Variants in APCDD1L observed in about 807,000 individuals in gnomAD.
APCDD1L encodes protein APCDD1-like.
In APCDD1L, 21 loss-of-function variants were observed where a neutral mutation model predicts 24.2. The observed-to-expected ratio is 0.87, with a 90% CI of 0.61 to 1.25. The LOEUF (loss-of-function observed/expected upper bound fraction) is 1.25. Ranked by LOEUF, APCDD1L falls within the 50% of genes most tolerant of loss-of-function variation. APCDD1L has a pLI of 0.00. For missense variants in APCDD1L, 704 were observed against 711.7 expected (o/e 0.99, Z 0.12); for synonymous variants, 321 against 323.6 (o/e 0.99, Z 0.09).
chr20:58,514,096 A>G (rs1397935252), intron 1 of APCDD1L: 4 of 524,998 alleles, frequency 7.6e-6, no homozygotes, highest in Non-Finnish European at 1.2e-5. Context: ...GAAGGCATTG[A>G]CTACTCTACC....
intron 1 of APCDD1L, among the ~76,000 whole-genome samples, chr20:58,493,152 G>T (rs1245272691): frequency 6.6e-6 from 1 of 152,168 alleles, no homozygotes; most frequent in Non-Finnish European, 1.5e-5. Context: ...CACAATGCAA[G>T]CATGCACACA....
chr20:58,467,033 G>C lies in APCDD1L; in HGVS notation c.741+73C>G, dbSNP rs757521227. 1 of 1,505,450 alleles carries C rather than the reference G, an allele frequency of 6.6e-7. No individual in the cohort carries two copies. The highest frequency in any genetic ancestry group is 8.8e-7 in the Non-Finnish European group (1 of 1,132,296). The allele number at this position is 1,505,450 out of a possible 1,614,324, so 93.3% of individuals were successfully genotyped here. ...GGGCAGGCCCAGGTCTTGCAAAGCT[G>C]CGGGGCTGGGTTCCGAGCTCGCCTC... On this transcript the variant is annotated intron_variant, in intron 3 of 3. Transcript: ENST00000371149. This position sits in a 1 kb window ranked among gnomAD's most constrained non-coding sequence, Gnocchi z 5.9.
chr20:58,496,474 T>C (rs1349476642), intron 1 of APCDD1L, among the ~76,000 whole-genome samples: 2 of 152,196 alleles, frequency 1.3e-5, no homozygotes, highest in African/African-American at 4.8e-5. Flanking sequence ...GACTCAGTGC[T>C]TGGAGGAAGC....
chr20:58,461,203 G>C lies in APCDD1L; in HGVS notation c.1093C>G (p.Gln365Glu). The C allele has an allele frequency of 6.2e-7, 1 of 1,613,612 alleles. No homozygotes were observed. ...AAGTTGAGCATGGCCGTGGTGACCT[G>C]GTCCATGGGGGTCACATGGGCCCGT... The part of the protein sequence containing the change: ...VTRAHVTPMD[Q>E]VTTAMLNFSE... Residue 365 changes from glutamine (Q) to glutamate (E), a missense_variant, in exon 4 of 4, where the codon CAG (glutamine) becomes GAG (glutamate). Gln to Glu is a conservative substitution (Grantham distance 29, BLOSUM62 2). Transcript: ENST00000371149. This position sits in a 1 kb window ranked among gnomAD's most constrained non-coding sequence, Gnocchi z 6.0.
intron 1 of APCDD1L, among the ~76,000 whole-genome samples, chr20:58,480,301 G>A (rs917782295): frequency 1.3e-5 from 2 of 152,206 alleles, no homozygotes; most frequent in South Asian, 2.1e-4. Flanking sequence ...AGAGTTGAAG[G>A]CTGCCCGAGA....
At chr20:58,478,126 G>T (rs1172616908) in intron 1 of APCDD1L, among the ~76,000 whole-genome samples, 1 of 152,102 alleles carries the variant, frequency 6.6e-6, no homozygotes, top group Non-Finnish European at 1.5e-5. Flanking sequence ...TTAATCTCCT[G>T]TGTCCTTCCT....
At chr20:58,512,238 C>G (rs528538023) in intron 1 of APCDD1L, among the ~76,000 whole-genome samples, 5 of 152,332 alleles carry the variant, frequency 3.3e-5, no homozygotes, top group African/African-American at 1.2e-4. Flanking sequence ...CCCACTGTGC[C>G]TTTGATTTCC....
At chr20:58,478,350 C>A (rs1989952100) in intron 1 of APCDD1L, among the ~76,000 whole-genome samples, 1 of 93,098 alleles carries the variant, frequency 1.1e-5, no homozygotes, top group Non-Finnish European at 2.3e-5. Flanking sequence ...GGCTTCTTAA[C>A]TTTTTCTTTT....
intron 1 of APCDD1L, among the ~76,000 whole-genome samples, chr20:58,487,751 G>C (rs1298884205): frequency 6.6e-6 from 1 of 152,144 alleles, no homozygotes; most frequent in East Asian, 1.9e-4. Context: ...GGTCCAACCT[G>C]CCAAGAAAAG....
Position 58,486,854 on chromosome 20 carries a change from GTTTTTTTT to G in APCDD1L, c.50-16115_50-16108del, listed in dbSNP as rs747539318. On this transcript the variant is annotated intron_variant, in intron 1 of 3. Coordinates refer to ENST00000371149, the MANE Select transcript of APCDD1L (RefSeq NM_153360.3). ...AGAAGGAAAATTTACTGGAGGGAAGGTTTTTTTTTTTTTTTTTTTTTTTTTGAGATGAA... is the reference window on the plus strand; with the variant it reads ...AGAAGGAAAATTTACTGGAGGGAAGGTTTTTTTTTTTTTTTTTGAGATGAA... Among the ~76,000 whole-genome samples, 10 of 80,436 alleles carry G rather than the reference GTTTTTTTT, an allele frequency of 1.2e-4. No individual in the cohort carries two copies. In the South Asian group the frequency reaches 2.2e-3, roughly 17 times the overall value. The allele number at this position is 80,436 out of a possible 152,430, so 52.8% of individuals were successfully genotyped here.
intron 3 of APCDD1L, among the ~76,000 whole-genome samples, chr20:58,464,553 C>A (rs1240650842): frequency 1.3e-5 from 2 of 152,196 alleles, no homozygotes; most frequent in Non-Finnish European, 2.9e-5. Context: ...CTCGTTTAAG[C>A]CTGTTACATA....
intron 1 of APCDD1L, among the ~76,000 whole-genome samples, chr20:58,492,971 A>C (rs1263140046): frequency 6.6e-6 from 1 of 151,886 alleles, no homozygotes; most frequent in South Asian, 2.1e-4. Context: ...ACACATACAC[A>C]TGCACTCACA....
chr20:58,468,617 G>C (rs1462509571), intron 2 of APCDD1L, among the ~76,000 whole-genome samples: 1 of 152,130 alleles, frequency 6.6e-6, no homozygotes, highest in African/African-American at 2.4e-5. Context: ...ACCCAGGCTG[G>C]AATGCACTGG....
chr20:58,480,028 G>A (rs1485924007), intron 1 of APCDD1L, among the ~76,000 whole-genome samples: 9 of 152,176 alleles, frequency 5.9e-5, no homozygotes, highest in Admixed American at 2.6e-4. Context: ...TGCATTCTAA[G>A]AAGCCCACCT....
chr20:58,478,247 C>T (rs1300704945), intron 1 of APCDD1L, among the ~76,000 whole-genome samples: 1 of 152,092 alleles, frequency 6.6e-6, no homozygotes, highest in Non-Finnish European at 1.5e-5. Flanking sequence ...GGCCATTTCT[C>T]CAAGGAGCTC....
chr20:58,466,617 C>T (rs1358886645), intron 3 of APCDD1L, among the ~76,000 whole-genome samples: 1 of 152,262 alleles, frequency 6.6e-6, no homozygotes, highest in African/African-American at 2.4e-5. Context: ...CCCGCTGTGG[C>T]CCCACCCTTG....
rs968251185 is a variant in APCDD1L, at chr20:58,507,552, C to A, written c.49+7107G>T. Among the ~76,000 whole-genome samples the A allele has an allele frequency of 7.2e-5, 11 of 152,258 alleles. 1 individual carries two copies. The highest frequency in any genetic ancestry group is 3.9e-4 in the Admixed American group (6 of 15,294). On this transcript the variant is annotated intron_variant, in intron 1 of 3. Coordinates refer to ENST00000371149, the MANE Select transcript of APCDD1L (RefSeq NM_153360.3). Reference sequence around the variant, plus strand: ...ACACCCCCACACACACACCCCGACACACACACAGTGGTAATTTATGGTAGG... The same window carrying A: ...ACACCCCCACACACACACCCCGACAAACACACAGTGGTAATTTATGGTAGG...
intron 1 of APCDD1L, among the ~76,000 whole-genome samples, chr20:58,506,207 T>C (rs1215477128): frequency 6.6e-6 from 1 of 152,182 alleles, no homozygotes; most frequent in Non-Finnish European, 1.5e-5. Context: ...TGAGTCCCCT[T>C]GCACCTCTGG....
At chr20:58,481,402 G>C (rs1040109642) in intron 1 of APCDD1L, among the ~76,000 whole-genome samples, 1 of 152,214 alleles carries the variant, frequency 6.6e-6, no homozygotes, top group African/African-American at 2.4e-5. Flanking sequence ...AAGGGTGCCT[G>C]AGAGGGACTC....
Sources: allele counts gnomAD v4.1 joint callset (sites outside exome capture counted in the v4.1 genomes callset), GRCh38; gene constraint gnomAD v4.1.1; non-coding constraint Gnocchi (gnomAD v3.1); transcripts MANE v1.5; gene names NCBI Gene and HGNC (gene_info 2026-07-23, HGNC 2026-07-21).